Variants in ZNF608 observed in about 807,000 individuals in gnomAD.
ZNF608 encodes zinc finger protein 608.
ZNF608 carries 12 observed loss-of-function variants against 109.0 expected under a neutral mutation model. That is an observed-to-expected ratio of 0.11 (90% CI 0.07 to 0.18). The LOEUF is 0.18. Among genes scored for constraint, ZNF608 ranks in the 10% least tolerant of loss-of-function variants. The pLI is 1.00. For synonymous variants in ZNF608, 732 were observed against 717.4 expected (o/e 1.02, Z -0.33); for missense variants, 1,707 against 1,879.3 (o/e 0.91, Z 1.70).
At chr5:124,699,035 G>A (rs578232305) in intron 3 of ZNF608, among the ~76,000 whole-genome samples, 7 of 152,272 alleles carry the variant, frequency 4.6e-5, no homozygotes, top group South Asian at 2.1e-4. Flanking sequence ...AGCATTTCAC[G>A]CTAATGAGTA....
intron 3 of ZNF608, among the ~76,000 whole-genome samples, chr5:124,680,700 A>T (rs1345115575): frequency 6.6e-6 from 1 of 152,214 alleles, no homozygotes; most frequent in Admixed American, 6.5e-5. Context: ...ACACACATAA[A>T]CAAAAAAGAA....
chr5:124,746,260 C>T lies in ZNF608; in HGVS notation c.-249G>A. The T allele has an allele frequency of 3.0e-6, 3 of 985,384 alleles. No individual in the cohort carries two copies. Among genetic ancestry groups the T allele is most frequent in the Non-Finnish European group, 3.6e-6 (3 of 829,932 alleles). 61.0% of individuals were successfully genotyped at this position (985,384 alleles called of 1,614,324 possible). ...AAAATGCCTTTCCCACTCCACTCGG[C>T]AAACAAGCCTGTGCCTCATTTTACT... On this transcript the variant is annotated 5_prime_UTR_variant, in exon 1 of 10. Transcript: ENST00000513986.
intron 2 of ZNF608, among the ~76,000 whole-genome samples, chr5:124,727,733 C>CTT (rs1182383879): frequency 6.4e-5 from 5 of 77,882 alleles, no homozygotes; most frequent in Non-Finnish European, 9.1e-5. Context: ...TCCAGGTATC[C>CTT]TTTTTTTTTT....
intron 2 of ZNF608, chr5:124,708,122 A>G (rs1409494379): frequency 1.3e-5 from 2 of 152,220 alleles, no homozygotes; most frequent in African/African-American, 4.8e-5. Context: ...GAAATTCAAG[A>G]CCAAAGCTCT....
chr5:124,728,161 C>A (rs1429952910), intron 2 of ZNF608, among the ~76,000 whole-genome samples: 1 of 152,168 alleles, frequency 6.6e-6, no homozygotes, highest in South Asian at 2.1e-4. Context: ...TATGCCTCTC[C>A]TCCTATTAGA....
chr5:124,663,029 A>G (rs1751337698), intron 3 of ZNF608, among the ~76,000 whole-genome samples: 2 of 152,246 alleles, frequency 1.3e-5, no homozygotes, highest in Non-Finnish European at 2.9e-5. Context: ...CTGATGGAAG[A>G]ATGAGGTAGA....
chr5:124,746,031 G>A (rs1749627609), intron 1 of ZNF608, 164 bp downstream of exon 1: 2 of 624,094 alleles, frequency 3.2e-6, no homozygotes, highest in South Asian at 1.4e-4. Flanking sequence ...CACTTTAAGT[G>A]ATCTGCGCCA....
chr5:124,652,670 T>C (rs1394167153), intron 3 of ZNF608, among the ~76,000 whole-genome samples: 1 of 152,228 alleles, frequency 6.6e-6, no homozygotes, highest in Non-Finnish European at 1.5e-5. Context: ...CAACACCCCA[T>C]TGTGAAGGGC....
intron 2 of ZNF608, among the ~76,000 whole-genome samples, chr5:124,743,854 A>AAGCAGC (rs144751589): frequency 1.0e-3 from 158 of 151,294 alleles, no homozygotes; most frequent in African/African-American, 3.0e-3. Flanking sequence ...CTAGCATCAC[A>AAGCAGC]AGCAGCAGCA....
intron 3 of ZNF608, among the ~76,000 whole-genome samples, chr5:124,651,787 C>A (rs1216215538): frequency 6.6e-6 from 1 of 152,216 alleles, no homozygotes; most frequent in African/African-American, 2.4e-5. Context: ...CCGAGGCGGC[C>A]GCCCGGAGCA....
At chr5:124,646,624 T>C in intron 5 of ZNF608, 55 bp downstream of exon 5, 2 of 1,553,982 alleles carry the variant, frequency 1.3e-6, no homozygotes, top group Middle Eastern at 2.2e-4. Context: ...CAGACATGTA[T>C]AATACAAGTC....
intron 2 of ZNF608, among the ~76,000 whole-genome samples, chr5:124,732,661 CA>C (rs1748961427): frequency 6.6e-6 from 1 of 151,998 alleles, no homozygotes; most frequent in Non-Finnish European, 1.5e-5. Context: ...TATTCAGAAA[CA>C]GGGCTACTAA....
chr5:124,650,155 T>C (rs937378473), intron 3 of ZNF608, among the ~76,000 whole-genome samples: 2 of 152,254 alleles, frequency 1.3e-5, no homozygotes, highest in Non-Finnish European at 2.9e-5. Context: ...TATAAAATGA[T>C]GGTGATTTTT....
intron 3 of ZNF608, among the ~76,000 whole-genome samples, chr5:124,689,532 G>T (rs971543824): frequency 1.3e-5 from 2 of 149,090 alleles, no homozygotes; most frequent in Admixed American, 1.3e-4. Context: ...AATATTCAAA[G>T]ACCTTTTCAA....
chr5:124,648,554 A>G lies in ZNF608; in HGVS notation c.1830T>C (p.Ser610=). 1.9e-6 allele frequency: 3 copies of G among 1,614,044 alleles called. No homozygotes were observed. In the East Asian group the frequency reaches 6.7e-5, roughly 36 times the overall value. The change falls in exon 5 of 10, where the codon AGT becomes AGC. Residue 610 remains serine, a synonymous_variant. Transcript: ENST00000513986. ...AAGCAGATACACTTGTGCTTGGCTCACTGCATTCAAGTGCCACATTACTCA... is the reference window on the plus strand; with the variant it reads ...AAGCAGATACACTTGTGCTTGGCTCGCTGCATTCAAGTGCCACATTACTCA... ...EGLSNVALEC[S]EPSTSVSAYD...
chr5:124,657,124 A>G (rs924222068), intron 3 of ZNF608, among the ~76,000 whole-genome samples: 1 of 152,154 alleles, frequency 6.6e-6, no homozygotes, highest in Non-Finnish European at 1.5e-5. Flanking sequence ...CCCTAGTAAC[A>G]TTATCATTTC....
intron 2 of ZNF608, among the ~76,000 whole-genome samples, chr5:124,712,678 T>C (rs116261494): frequency 0.011 from 1,629 of 152,224 alleles, 42 homozygotes; most frequent in African/African-American, 0.037. Flanking sequence ...ACCCACCCTG[T>C]GGAGTTGGCC....
chr5:124,664,269 T>C (rs2149806482), intron 3 of ZNF608, among the ~76,000 whole-genome samples: 1 of 152,210 alleles, frequency 6.6e-6, no homozygotes, highest in Non-Finnish European at 1.5e-5. Context: ...TTAATAAAGA[T>C]GGAAACTGCA....
chr5:124,741,522 T>A (rs1019992376), intron 2 of ZNF608, among the ~76,000 whole-genome samples: 1 of 151,664 alleles, frequency 6.6e-6, no homozygotes, highest in Non-Finnish European at 1.5e-5. Context: ...AGGCACTTAC[T>A]CTTCACAAAC....
Sources: gnomAD v4.1 joint callset for allele counts (sites outside exome capture counted in the v4.1 genomes callset) on GRCh38, gnomAD v4.1.1 for gene constraint, MANE v1.5 for transcripts, NCBI Gene and HGNC (gene_info 2026-07-23, HGNC 2026-07-21) for gene names.